SNX18: variants seen among roughly 807,000 people sequenced by gnomAD.
SNX18 encodes the protein sorting nexin-18.
A neutral mutation model predicts 48.7 loss-of-function variants in SNX18; 35 were observed. That is an observed-to-expected ratio of 0.72 (90% confidence interval 0.55 to 0.95). The LOEUF is 0.95. SNX18 is among the 40% of genes least tolerant of loss of function. SNX18 has a pLI of 0.00. For missense variants in SNX18, 824 were observed against 871.0 expected, an observed-to-expected ratio of 0.95 and a Z score of 0.68; for synonymous variants, 492 against 384.7, an observed-to-expected ratio of 1.28 and a Z score of -3.26.
chr5:54,635,018 T>C, the SNX18 span, among the ~76,000 whole-genome samples: 3 of 152,006 alleles, frequency 2.0e-5, no homozygotes, highest in Non-Finnish European at 4.4e-5. Context: ...TTTATAGTGA[T>C]TCATTTTTGA....
the SNX18 span, among the ~76,000 whole-genome samples, chr5:54,604,326 T>G: frequency 6.6e-6 from 1 of 152,212 alleles, no homozygotes; most frequent in Admixed American, 6.5e-5. Flanking sequence ...GGCGTTCATA[T>G]GAACATTATT....
At chr5:54,556,336 T>C in the SNX18 span, among the ~76,000 whole-genome samples, 1 of 152,320 alleles carries the variant, frequency 6.6e-6, no homozygotes, top group African/African-American at 2.4e-5. Context: ...CATTCCTCTG[T>C]GGAGACTCTG....
chr5:54,588,419 C>A, the SNX18 span, among the ~76,000 whole-genome samples: 6 of 146,674 alleles, frequency 4.1e-5, no homozygotes, highest in Admixed American at 2.1e-4. Flanking sequence ...GCTCTGCCTC[C>A]CAGGTTCACA....
chr5:54,590,140 T>TAGAC, the SNX18 span, among the ~76,000 whole-genome samples: 1 of 152,228 alleles, frequency 6.6e-6, no homozygotes, highest in African/African-American at 2.4e-5. Context: ...TGAGGTAAAG[T>TAGAC]AGACATGGCC....
At chr5:54,551,927 T>C in the SNX18 span, among the ~76,000 whole-genome samples, 3 of 152,158 alleles carry the variant, frequency 2.0e-5, no homozygotes, top group Non-Finnish European at 4.4e-5. Flanking sequence ...TTGCCCTCTA[T>C]GAAAGAAAGA....
chr5:54,636,426 T>C, the SNX18 span, among the ~76,000 whole-genome samples: 1 of 152,102 alleles, frequency 6.6e-6, no homozygotes, highest in African/African-American at 2.4e-5. Flanking sequence ...CAATAAAATC[T>C]TCAGTGAAAA....
At chr5:54,576,089 C>T in the SNX18 span, among the ~76,000 whole-genome samples, 1 of 152,148 alleles carries the variant, frequency 6.6e-6, no homozygotes, top group Non-Finnish European at 1.5e-5. Flanking sequence ...ACCCAAGGAT[C>T]CCACAGGGGT....
At chr5:54,570,841 C>A in the SNX18 span, among the ~76,000 whole-genome samples, 1 of 152,194 alleles carries the variant, frequency 6.6e-6, no homozygotes. Context: ...TTAAAAACTT[C>A]AGTCTGAAAG....
the SNX18 span, among the ~76,000 whole-genome samples, chr5:54,611,459 C>T: frequency 6.6e-6 from 1 of 152,126 alleles, no homozygotes. Flanking sequence ...GGGTAGTCTG[C>T]TCTCTGTTGT....
At chr5:54,599,632 A>G in the SNX18 span, among the ~76,000 whole-genome samples, 1 of 152,222 alleles carries the variant, frequency 6.6e-6, no homozygotes, top group Non-Finnish European at 1.5e-5. Flanking sequence ...TGGTACAAAA[A>G]CAGACACATA....
chr5:54,589,417 T>C, the SNX18 span, among the ~76,000 whole-genome samples: 2 of 152,122 alleles, frequency 1.3e-5, no homozygotes, highest in Non-Finnish European at 2.9e-5. Context: ...TCACCACACA[T>C]ATGCCTTCTT....
chr5:54,519,615 T>G (rs1487450920), intron 1 of SNX18, 42 bp downstream of exon 1: 5 of 1,614,054 alleles, frequency 3.1e-6, no homozygotes, highest in Admixed American at 3.3e-5. Flanking sequence ...GAGTGTATTG[T>G]GCAGGCTGAA....
At chr5:54,579,883 A>C in the SNX18 span, among the ~76,000 whole-genome samples, 1 of 152,158 alleles carries the variant, frequency 6.6e-6, no homozygotes, top group Non-Finnish European at 1.5e-5. Context: ...AAAATAAACA[A>C]TAGTTTCTAA....
the SNX18 span, among the ~76,000 whole-genome samples, chr5:54,591,366 C>T: frequency 6.6e-6 from 1 of 152,052 alleles, no homozygotes; most frequent in Non-Finnish European, 1.5e-5. Context: ...TGTATTATTA[C>T]TTTTTGTAGC....
chr5:54,526,347 A>G (rs534918971), intron 1 of SNX18, among the ~76,000 whole-genome samples: 10 of 152,192 alleles, frequency 6.6e-5, no homozygotes, highest in Admixed American at 2.6e-4. Context: ...ACCTCAAGCA[A>G]TCTACCCACC....
chr5:54,565,875 A>G, the SNX18 span, among the ~76,000 whole-genome samples: 1 of 152,168 alleles, frequency 6.6e-6, no homozygotes, highest in East Asian at 1.9e-4. Context: ...GTTTATTACA[A>G]AAATTAACCA....
chr5:54,626,300 C>T, the SNX18 span, among the ~76,000 whole-genome samples: 1 of 152,020 alleles, frequency 6.6e-6, no homozygotes, highest in Non-Finnish European at 1.5e-5. Context: ...ACTCTGTACC[C>T]TAAATATGAG....
chr5:54,604,126 A>T, the SNX18 span, among the ~76,000 whole-genome samples: 1 of 152,232 alleles, frequency 6.6e-6, no homozygotes, highest in Non-Finnish European at 1.5e-5. Context: ...GAGCAGACAA[A>T]CACATTATAA....
At chr5:54,527,295 C>G (rs1352081813) in intron 1 of SNX18, among the ~76,000 whole-genome samples, 1 of 151,612 alleles carries the variant, frequency 6.6e-6, no homozygotes, top group East Asian at 1.9e-4. Flanking sequence ...CTCCAGTAAT[C>G]CAGGTGAGAG....
Sources: gnomAD v4.1 joint callset for allele counts (sites outside exome capture counted in the v4.1 genomes callset) on GRCh38, gnomAD v4.1.1 for gene constraint, MANE v1.5 for transcripts, NCBI Gene and HGNC (gene_info 2026-07-23, HGNC 2026-07-21) for gene names.